KIAA1549: variants seen among roughly 807,000 people sequenced by gnomAD.
The protein encoded by KIAA1549 is KIAA1549.
KIAA1549 carries 70 observed loss-of-function variants against 156.4 expected under a neutral mutation model. That is an observed-to-expected ratio of 0.45 (90% CI 0.37 to 0.55). The LOEUF (loss-of-function observed/expected upper bound fraction) is 0.55. KIAA1549 is among the 20% of genes least tolerant of loss of function. The probability of loss-of-function intolerance (pLI) is 0.00; values close to 1 mark genes in which losing one functional copy is unlikely to be tolerated. For synonymous variants in KIAA1549, 1,103 were observed against 1,066.4 expected, an observed-to-expected ratio of 1.03 and a Z score of -0.67; for missense variants, 2,428 against 2,540.9, an observed-to-expected ratio of 0.96 and a Z score of 0.96.
chr7:138,934,708 T>C (rs979371618), intron 1 of KIAA1549, among the ~76,000 whole-genome samples: 3 of 152,056 alleles, frequency 2.0e-5, no homozygotes, highest in African/African-American at 7.2e-5. Flanking sequence ...ACCTGAAAAA[T>C]GGGTGTTGAG....
Position 138,919,433 on chromosome 7 carries a change from G to A in KIAA1549, c.193C>T (p.Leu65Phe). 6.2e-7 allele frequency: 1 copy of A among 1,611,962 alleles called. No individual in the cohort carries two copies. The highest frequency in any genetic ancestry group is 8.5e-7 in the Non-Finnish European group (1 of 1,178,740). Residue 65 changes from leucine (L) to phenylalanine (F), a missense_variant, in exon 2 of 20, where the codon CTC (leucine) becomes TTC (phenylalanine). Physicochemically the swap from Leu to Phe is conservative, Grantham distance 22. This residue lies in a region of KIAA1549 where 893 missense variants were observed against 847.9 expected (regional missense o/e 1.05). Coordinates refer to ENST00000422774, the MANE Select transcript of KIAA1549 (RefSeq NM_001164665.2). ...ARPASCAPDELSPEQHNLSLY... is the reference protein window; with the variant it reads ...ARPASCAPDEFSPEQHNLSLY... ...GAAAGGTTGTGCTGTTCCGGAGAGA[G>A]CTCATCTATCAAGAAAATCAGAGCT...
At chr7:138,868,197 A>G in intron 14 of KIAA1549, 69 bp from the exon 15 acceptor site, 1 of 1,469,656 alleles carries the variant, frequency 6.8e-7, no homozygotes, top group Non-Finnish European at 9.3e-7. Context: ...CCAACTAAAC[A>G]CTAAGTACCC....
intron 12 of KIAA1549, among the ~76,000 whole-genome samples, chr7:138,877,743 C>T (rs1456465856): frequency 6.6e-6 from 1 of 152,158 alleles, no homozygotes; most frequent in Non-Finnish European, 1.5e-5. Flanking sequence ...GTAACAGCAG[C>T]ATCTGAGCTT....
chr7:138,940,250 T>A (rs1048276316), intron 1 of KIAA1549, among the ~76,000 whole-genome samples: 1 of 144,192 alleles, frequency 6.9e-6, no homozygotes, highest in African/African-American at 2.8e-5. Flanking sequence ...CACCTATGAG[T>A]GAGAACATGT....
chr7:138,926,930 T>C (rs1375429844), intron 1 of KIAA1549, among the ~76,000 whole-genome samples: 1 of 152,146 alleles, frequency 6.6e-6, no homozygotes, highest in Non-Finnish European at 1.5e-5. Flanking sequence ...CCAACTCCCT[T>C]CCTTCCCACT....
Position 138,881,418 on chromosome 7 carries a change from A to T in KIAA1549, c.4199T>A (p.Ile1400Asn). The T allele has an allele frequency of 6.2e-7, 1 of 1,613,896 alleles. No individual in the cohort carries two copies. Among genetic ancestry groups the T allele is most frequent in the Non-Finnish European group, 8.5e-7 (1 of 1,179,866 alleles). The change falls in exon 11 of 20, where the codon ATC becomes AAC. Residue 1400 changes from isoleucine to asparagine, a missense_variant. By Grantham distance (149) the Ile-to-Asn change is moderately radical. This residue lies in a region of KIAA1549 where 404 missense variants were observed against 417.0 expected (regional missense o/e 0.97). Transcript: ENST00000422774. ...NGDVPSPKSKIPSKNVRHRGR... is the reference protein window; with the variant it reads ...NGDVPSPKSKNPSKNVRHRGR... ...TCTGTGACGAACATTCTTGGAAGGG[A>T]TCTTTGACTTGGGGCTTGGCACGTC...
intron 12 of KIAA1549, among the ~76,000 whole-genome samples, chr7:138,875,403 G>T (rs1165404889): frequency 6.6e-6 from 1 of 152,104 alleles, no homozygotes. Context: ...CCAGCACTTT[G>T]GAAGGCTAAG....
chr7:138,897,203 C>G (rs1584738530), intron 9 of KIAA1549, among the ~76,000 whole-genome samples: 1 of 152,194 alleles, frequency 6.6e-6, no homozygotes, highest in African/African-American at 2.4e-5. Context: ...ATATGAAGAA[C>G]TGTAACGAAG....
intron 1 of KIAA1549, among the ~76,000 whole-genome samples, chr7:138,920,897 A>G (rs1490542038): frequency 6.6e-6 from 1 of 152,202 alleles, no homozygotes; most frequent in Non-Finnish European, 1.5e-5. Context: ...GAAACTGTCT[A>G]CTTCAGAACA....
intron 7 of KIAA1549, 75 bp from the exon 8 acceptor site, chr7:138,903,811 G>A: frequency 5.0e-6 from 1 of 200,988 alleles, no homozygotes; most frequent in Non-Finnish European, 8.6e-6. Flanking sequence ...GTGTGTGTGT[G>A]TGTGTGTGTG....
At chr7:138,965,193 G>T (rs529327681) in intron 1 of KIAA1549, among the ~76,000 whole-genome samples, 1 of 152,150 alleles carries the variant, frequency 6.6e-6, no homozygotes, top group Non-Finnish European at 1.5e-5. Context: ...CCGGAAGGAA[G>T]GGGAGTCAAC....
At chr7:138,914,143 T>C (rs557428983) in intron 2 of KIAA1549, among the ~76,000 whole-genome samples, 1 of 151,948 alleles carries the variant, frequency 6.6e-6, no homozygotes, top group East Asian at 1.9e-4. Context: ...GAAGAACACA[T>C]TGTAAGCAGC....
chr7:138,928,397 C>T (rs1478214528), intron 1 of KIAA1549, among the ~76,000 whole-genome samples: 2 of 152,126 alleles, frequency 1.3e-5, no homozygotes, highest in Non-Finnish European at 2.9e-5. Context: ...AGCAATTCTC[C>T]TGCCTCAGCC....
chr7:138,951,598 G>A (rs1376281160), intron 1 of KIAA1549, among the ~76,000 whole-genome samples: 1 of 152,126 alleles, frequency 6.6e-6, no homozygotes, highest in Non-Finnish European at 1.5e-5. Context: ...CTTGTCAGAT[G>A]ACGACACCTG....
At chr7:138,929,496 C>T (rs545307947) in intron 1 of KIAA1549, among the ~76,000 whole-genome samples, 2 of 152,260 alleles carry the variant, frequency 1.3e-5, no homozygotes, top group African/African-American at 2.4e-5. Flanking sequence ...CATGAGGTTT[C>T]GCATCAACTT....
rs1000828287 is a variant in KIAA1549, at chr7:138,833,674, TAGAC to T, written c.*4228_*4231del. On this transcript the variant is annotated 3_prime_UTR_variant, in exon 20 of 20. Transcript: ENST00000422774. ...ATATATAGATAGATAGACAGATACA[TAGAC>T]AGACAGACAGATAGATAACCCACTA... is the stretch of plus-strand genomic sequence containing the variant. 1.3e-4 allele frequency: 30 copies of T among 232,826 alleles called. No individual in the cohort carries two copies. The highest frequency in any genetic ancestry group is 4.6e-4 in the African/African-American group (21 of 45,402). The allele number at this position is 232,826 out of a possible 1,614,324, so 14.4% of individuals were successfully genotyped here.
rs369822469 is a variant in KIAA1549, at chr7:138,918,929, G to A, written c.697C>T (p.Arg233Trp). The A allele has an allele frequency of 3.2e-5, 51 of 1,613,930 alleles. No homozygotes were observed. Among genetic ancestry groups the A allele is most frequent in the African/African-American group, 9.3e-5 (7 of 74,946 alleles). Residue 233 changes from arginine (R) to tryptophan (W), a missense_variant, in exon 2 of 20, where the codon CGG becomes TGG. Around this residue, in one of 5 missense-constraint regions of KIAA1549, gnomAD observed 893 missense variants for 847.9 expected, o/e 1.05. Transcript: ENST00000422774. The surrounding 1 kb of genome is among the most constrained non-coding windows in gnomAD (Gnocchi z 4.2). ...AESASHFHTF[R>W]SAFRTSEGIV... The stretch of plus-strand genomic sequence containing the variant: ...CCCTCAGAGGTGCGAAAAGCTGACC[G>A]AAAGGTGTGGAAATGACTGGCGGAC...
chr7:138,834,956 T>A lies in KIAA1549; in HGVS notation c.*2950A>T, dbSNP rs1400911652. 1.3e-5 allele frequency: 3 copies of A among 225,854 alleles called. No homozygotes were observed. The highest frequency in any genetic ancestry group is 2.6e-5 in the Non-Finnish European group (3 of 114,814). The allele number at this position is 225,854 out of a possible 1,614,324, so 14.0% of individuals were successfully genotyped here. A position where few individuals can be genotyped will look rare whatever the true frequency, so the allele number is the denominator to read the frequency against. ...GAAGGAACCAGACATGGTCAGTGAG[T>A]GACAAAGTAGTCTCTGAAAAAAAAA... On this transcript the variant is annotated 3_prime_UTR_variant, in exon 20 of 20. Transcript: ENST00000422774.
At position 138,917,380 on chromosome 7, in the gene KIAA1549, A is replaced by G. The variant is rs1812364400; in HGVS notation, c.2246T>C (p.Ile749Thr). Residue 749 changes from isoleucine (I) to threonine (T), a missense_variant, in exon 2 of 20, where the codon ATT becomes ACT. By Grantham distance (89) the Ile-to-Thr change is moderately conservative (BLOSUM62 -1). Coordinates refer to ENST00000422774, the MANE Select transcript of KIAA1549 (RefSeq NM_001164665.2). Reference protein sequence around the residue: ...DSEAHFTSAFIETTSYLESSL... With the variant: ...DSEAHFTSAFTETTSYLESSL... The stretch of plus-strand genomic sequence containing the variant: ...AGACTCAAGATAGGAGGTAGTTTCA[A>G]TGAAAGCTGAGGTAAAATGAGCTTC... The G allele has an allele frequency of 6.2e-7, 1 of 1,613,896 alleles. No individual in the cohort carries two copies. Among genetic ancestry groups the G allele is most frequent in the African/African-American group, 1.3e-5 (1 of 74,934 alleles).
Sources: gnomAD v4.1 joint callset for allele counts (sites outside exome capture counted in the v4.1 genomes callset) on GRCh38, gnomAD v4.1.1 for gene constraint, gnomAD v4.1.1 regional missense constraint, Gnocchi (gnomAD v3.1) non-coding constraint, MANE v1.5 for transcripts, NCBI Gene and HGNC (gene_info 2026-07-23, HGNC 2026-07-21) for gene names.